The following NELL2 variants were observed in gnomAD, a reference collection of about 807,000 sequenced individuals.
The protein encoded by NELL2 is protein kinase C-binding protein NELL2.
A neutral mutation model predicts 109.6 loss-of-function variants in NELL2; 41 were observed. The observed-to-expected ratio is 0.37, with a 90% CI of 0.29 to 0.49. The LOEUF (loss-of-function observed/expected upper bound fraction) is 0.49, where lower values mean the gene tolerates loss of function less well. NELL2 is among the 20% of genes least tolerant of loss of function. The probability of loss-of-function intolerance (pLI) is 0.98; values close to 1 mark genes in which losing one functional copy is unlikely to be tolerated. For missense variants in NELL2, 900 were observed against 1,008.3 expected (o/e 0.89, Z 1.45); for synonymous variants, 355 against 344.7 (o/e 1.03, Z -0.33).
At chr12:44,700,098 C>T (rs987442767) in intron 12 of NELL2, among the ~76,000 whole-genome samples, 4 of 152,148 alleles carry the variant, frequency 2.6e-5, no homozygotes, top group African/African-American at 9.7e-5. Context: ...CCTAAGTGAG[C>T]AGCACCAACA....
In NELL2 at chr12:44,520,157, C is replaced by T. The variant is rs372382047; in HGVS notation, c.2248G>A (p.Glu750Lys). 4 of 1,613,912 alleles carry T rather than the reference C, an allele frequency of 2.5e-6. No homozygotes were observed. The highest frequency in any genetic ancestry group is 3.4e-6 in the Non-Finnish European group (4 of 1,179,960). The change falls in exon 19 of 20, where the codon GAG becomes AAG. Residue 750 changes from glutamate to lysine, a missense_variant. Coordinates refer to ENST00000429094, the MANE Select transcript of NELL2 (RefSeq NM_001145108.2). Reference protein sequence around the residue: ...ECEFSILPENECCPRCVTDPC... With the variant: ...ECEFSILPENKCCPRCVTDPC... ...TCTGTGACACAGCGCGGGCAGCACT[C>T]ATTCTCTGGGAGAATGCTGAATTCA...
chr12:44,732,551 A>G (rs1256630530), intron 9 of NELL2, among the ~76,000 whole-genome samples: 1 of 152,058 alleles, frequency 6.6e-6, no homozygotes, highest in Middle Eastern at 3.4e-3. Context: ...ACAAAAATCA[A>G]CTCAAAATGC....
chr12:44,532,767 A>G (rs1285885944), intron 15 of NELL2, 46 bp from the exon 16 acceptor site: 1 of 1,565,810 alleles, frequency 6.4e-7, no homozygotes, highest in Non-Finnish European at 8.7e-7. Flanking sequence ...TCTTCTTTGA[A>G]AGAAACTAGA....
intron 2 of NELL2, among the ~76,000 whole-genome samples, chr12:44,847,207 C>T (rs1030141432): frequency 2.6e-5 from 4 of 152,186 alleles, no homozygotes; most frequent in East Asian, 1.9e-4. Flanking sequence ...CCAACCTCAC[C>T]AGTGAAGTAA....
chr12:44,587,284 A>AAAAAAAAAAATATATATATATATATATAT, intron 15 of NELL2, among the ~76,000 whole-genome samples: 1 of 72,196 alleles, frequency 1.4e-5, no homozygotes, highest in Non-Finnish European at 2.7e-5. Context: ...AAAAAAAAAA[A>AAAAAAAAAAATATATATATATATATATAT]ATATATATAT....
At chr12:44,719,699 A>T (rs1299913553) in intron 9 of NELL2, among the ~76,000 whole-genome samples, 1 of 152,152 alleles carries the variant, frequency 6.6e-6, no homozygotes, top group Non-Finnish European at 1.5e-5. Flanking sequence ...TCTGTTAAGG[A>T]CAGAGTTTTA....
At chr12:44,737,049 A>G (rs961282198) in intron 9 of NELL2, among the ~76,000 whole-genome samples, 7 of 152,204 alleles carry the variant, frequency 4.6e-5, no homozygotes, top group African/African-American at 1.7e-4. Flanking sequence ...ATTTTTAGAT[A>G]TTGAAATTTT....
At chr12:44,510,770 G>A (rs1462463352) in intron 19 of NELL2, among the ~76,000 whole-genome samples, 2 of 152,152 alleles carry the variant, frequency 1.3e-5, no homozygotes, top group Non-Finnish European at 2.9e-5. Context: ...GTTCGATTGA[G>A]ACTTGTAGAA....
At chr12:44,559,545 C>G (rs926109518) in intron 15 of NELL2, among the ~76,000 whole-genome samples, 1 of 152,078 alleles carries the variant, frequency 6.6e-6, no homozygotes. Flanking sequence ...TCTGATAAAA[C>G]CGACTTTAAA....
At chr12:44,760,844 G>A (rs1941093667) in intron 9 of NELL2, among the ~76,000 whole-genome samples, 2 of 152,092 alleles carry the variant, frequency 1.3e-5, no homozygotes, top group Admixed American at 1.3e-4. Context: ...GCCTTTTAAA[G>A]CATGACAACA....
intron 3 of NELL2, among the ~76,000 whole-genome samples, chr12:44,791,183 CATATATATATATATATAT>C (rs748283455): frequency 0.15 from 2,225 of 15,094 alleles, 104 homozygotes; most frequent in Non-Finnish European, 0.21. Flanking sequence ...AGTATTCCAT[CATATATATATATATATAT>C]ATATATATAT....
chr12:44,912,473 T>C (rs1047237848), intron 1 of NELL2, among the ~76,000 whole-genome samples: 3 of 152,106 alleles, frequency 2.0e-5, no homozygotes, highest in African/African-American at 7.2e-5. Context: ...GCTAATAGAA[T>C]ATGCAGTTTT....
At chr12:44,521,896 A>C (rs1452285014) in intron 18 of NELL2, 104 bp downstream of exon 18, 11 of 1,121,170 alleles carry the variant, frequency 9.8e-6, no homozygotes, top group African/African-American at 4.7e-5. Flanking sequence ...AACTGTCAAC[A>C]CTGTGGCCTG....
At chr12:44,740,154 T>C (rs923218587) in intron 9 of NELL2, among the ~76,000 whole-genome samples, 3 of 152,192 alleles carry the variant, frequency 2.0e-5, no homozygotes, top group African/African-American at 7.2e-5. Flanking sequence ...GTCTGAGTTA[T>C]GGGCGTGTGA....
chr12:44,541,395 A>G (rs1942564302), intron 15 of NELL2, among the ~76,000 whole-genome samples: 1 of 152,090 alleles, frequency 6.6e-6, no homozygotes, highest in Non-Finnish European at 1.5e-5. Context: ...AAGGATATCC[A>G]GAGAGGAATA....
At chr12:44,602,539 G>C (rs1320094733) in intron 15 of NELL2, among the ~76,000 whole-genome samples, 1 of 152,072 alleles carries the variant, frequency 6.6e-6, no homozygotes, top group Non-Finnish European at 1.5e-5. Context: ...TATTGGAAAA[G>C]CAGATGTATC....
intron 9 of NELL2, among the ~76,000 whole-genome samples, chr12:44,742,102 C>A (rs57060709): frequency 6.6e-6 from 1 of 151,970 alleles, no homozygotes; most frequent in Non-Finnish European, 1.5e-5. Context: ...GGTACTCCTC[C>A]GAGACAAAAC....
At chr12:44,700,336 T>C (rs750778408) in intron 12 of NELL2, among the ~76,000 whole-genome samples, 6 of 152,172 alleles carry the variant, frequency 3.9e-5, no homozygotes, top group Non-Finnish European at 5.9e-5. Flanking sequence ...GTGATATGTT[T>C]AAAACACAAG....
intron 15 of NELL2, among the ~76,000 whole-genome samples, chr12:44,537,357 A>G (rs1355659482): frequency 1.4e-5 from 2 of 142,184 alleles, no homozygotes; most frequent in Admixed American, 7.2e-5. Flanking sequence ...AAATGTCTAG[A>G]ATAATCCATA....
Sources: allele counts gnomAD v4.1 joint callset (sites outside exome capture counted in the v4.1 genomes callset), GRCh38; gene constraint gnomAD v4.1.1; transcripts MANE v1.5; gene names NCBI Gene and HGNC (gene_info 2026-07-23, HGNC 2026-07-21).